Variants in RBFOX1 observed in about 807,000 individuals in gnomAD.
RBFOX1 encodes RNA binding fox-1 homolog 1, also known as RNA binding protein fox-1 homolog 1.
RBFOX1 carries 8 observed loss-of-function variants against 57.7 expected under a neutral mutation model. The observed-to-expected ratio is 0.14, with a 90% CI of 0.08 to 0.25. RBFOX1 has a LOEUF of 0.25. RBFOX1 is among the 10% of genes least tolerant of loss of function. The pLI is 1.00. For synonymous variants in RBFOX1, 326 were observed against 222.4 expected (o/e 1.47, Z -4.15); for missense variants, 611 against 548.5 (o/e 1.11, Z -1.14).
chr16:5,589,653 C>T (rs945780874), intron 2 of RBFOX1, among the ~76,000 whole-genome samples: 7 of 152,158 alleles, frequency 4.6e-5, no homozygotes, highest in Non-Finnish European at 1.0e-4. Flanking sequence ...GGATGTGTAA[C>T]CTTTGGCAAA....
At chr16:6,837,086 A>T (rs1437149547) in intron 3 of RBFOX1, among the ~76,000 whole-genome samples, 1 of 152,206 alleles carries the variant, frequency 6.6e-6, no homozygotes, top group East Asian at 1.9e-4. Context: ...TATATTGGTT[A>T]ACAATAGCCA....
intron 2 of RBFOX1, among the ~76,000 whole-genome samples, chr16:6,456,844 C>T (rs556297779): frequency 6.6e-6 from 1 of 152,196 alleles, no homozygotes; most frequent in African/African-American, 2.4e-5. Context: ...CATTCTGGTA[C>T]CTTCTAGTTG....
chr16:7,017,217 G>C (rs976846552), intron 3 of RBFOX1, among the ~76,000 whole-genome samples: 8 of 152,196 alleles, frequency 5.3e-5, no homozygotes, highest in Admixed American at 2.6e-4. Context: ...TCCCTTCAGG[G>C]AATGGGAGCT....
At chr16:6,021,064 A>G (rs897437092) in intron 1 of RBFOX1, among the ~76,000 whole-genome samples, 1 of 152,246 alleles carries the variant, frequency 6.6e-6, no homozygotes, top group African/African-American at 2.4e-5. Flanking sequence ...AATCCTGGTC[A>G]GGCAGTCCGG....
chr16:6,344,757 C>G (rs2085108013), intron 2 of RBFOX1, among the ~76,000 whole-genome samples: 1 of 127,150 alleles, frequency 7.9e-6, no homozygotes, highest in Admixed American at 1.0e-4. Flanking sequence ...GTGATATGAT[C>G]TCGGCTTACT....
intron 3 of RBFOX1, among the ~76,000 whole-genome samples, chr16:6,885,260 T>G (rs1009951838): frequency 6.6e-6 from 1 of 152,156 alleles, no homozygotes; most frequent in Admixed American, 6.5e-5. Context: ...AGCGTCAGCA[T>G]CACCTGGAAA....
chr16:6,972,277 C>G (rs1026204758), intron 3 of RBFOX1, among the ~76,000 whole-genome samples: 5 of 152,080 alleles, frequency 3.3e-5, no homozygotes, highest in African/African-American at 1.2e-4. Context: ...CCCCTGGTAA[C>G]TGTCATTCTA....
intron 4 of RBFOX1, among the ~76,000 whole-genome samples, chr16:7,359,593 A>AG (rs756329407): frequency 1.2e-4 from 19 of 152,174 alleles, no homozygotes; most frequent in Non-Finnish European, 2.2e-4. Flanking sequence ...GGGGCTCTTG[A>AG]GTTAAACCAC....
At position 6,742,389 on chromosome 16, in the gene RBFOX1, C is replaced by T. The variant is rs546237379; in HGVS notation, c.-16+87739C>T. Among the ~76,000 whole-genome samples the T allele has an allele frequency of 1.1e-3, 163 of 152,192 alleles. 1 individual carries two copies. The highest frequency in any genetic ancestry group is 2.0e-3 in the Non-Finnish European group (133 of 67,986). ...CTCTCATATACTGATGATGGCAATG[C>T]AAAATGACACAACTCTTCTGGCAAA... On this transcript the variant is annotated intron_variant, in intron 3 of 15. Coordinates refer to ENST00000550418, the MANE Select transcript of RBFOX1 (RefSeq NM_018723.4).
At chr16:6,001,487 A>G (rs76102191) in intron 4 of RBFOX1, among the ~76,000 whole-genome samples, 2,142 of 152,314 alleles carry the variant, frequency 0.014, 60 homozygotes, top group African/African-American at 0.049. Flanking sequence ...CTGGAGCAGC[A>G]GAATTGGGAG....
chr16:5,603,840 C>T (rs1378568753), downstream of RBFOX1, among the ~76,000 whole-genome samples: 2 of 152,208 alleles, frequency 1.3e-5, no homozygotes, highest in African/African-American at 4.8e-5. Flanking sequence ...CACTCTGGAG[C>T]AAATGCATCC....
intron 4 of RBFOX1, among the ~76,000 whole-genome samples, chr16:7,056,261 G>A (rs370717520): frequency 1.3e-5 from 2 of 152,048 alleles, no homozygotes; most frequent in East Asian, 1.9e-4. Flanking sequence ...TACTTACATC[G>A]CTCGGTTGTT....
At chr16:7,701,216 C>G (rs1039028027) in intron 14 of RBFOX1, among the ~76,000 whole-genome samples, 1 of 152,158 alleles carries the variant, frequency 6.6e-6, no homozygotes, top group Admixed American at 6.5e-5. Flanking sequence ...TCTTCCACTT[C>G]TAGTTTTATC....
At chr16:6,500,474 G>C (rs1329267128) in intron 2 of RBFOX1, among the ~76,000 whole-genome samples, 1 of 152,028 alleles carries the variant, frequency 6.6e-6, no homozygotes, top group African/African-American at 2.4e-5. Flanking sequence ...CCTAGTACTT[G>C]GCCAAGGGTG....
chr16:6,482,160 G>T (rs1463131763), intron 2 of RBFOX1, among the ~76,000 whole-genome samples: 1 of 152,178 alleles, frequency 6.6e-6, no homozygotes, highest in African/African-American at 2.4e-5. Flanking sequence ...ATCCAAGAAG[G>T]ACACAGGCAG....
At chr16:6,941,301 T>TC (rs1400752042) in intron 3 of RBFOX1, among the ~76,000 whole-genome samples, 66 of 20,506 alleles carry the variant, frequency 3.2e-3, no homozygotes, top group African/African-American at 5.6e-3. Flanking sequence ...CCTCCCTCCC[T>TC]CCTTCCTTCC....
At chr16:7,038,254 T>G (rs746814541) in intron 3 of RBFOX1, among the ~76,000 whole-genome samples, 1 of 152,086 alleles carries the variant, frequency 6.6e-6, no homozygotes, top group Non-Finnish European at 1.5e-5. Flanking sequence ...GACATTTTGG[T>G]GAGTATTGCT....
chr16:5,829,574 C>T (rs1421572603), intron 3 of RBFOX1, among the ~76,000 whole-genome samples: 1 of 152,100 alleles, frequency 6.6e-6, no homozygotes, highest in African/African-American at 2.4e-5. Context: ...CTTCTACCTC[C>T]TCCAACATCC....
chr16:7,078,918 C>T (rs552674896), intron 4 of RBFOX1, among the ~76,000 whole-genome samples: 10 of 113,146 alleles, frequency 8.8e-5, no homozygotes, highest in Admixed American at 2.5e-4. Flanking sequence ...CCATGTTGTC[C>T]AGGCTGGTCT....
Sources: allele counts gnomAD v4.1 joint callset (sites outside exome capture counted in the v4.1 genomes callset), GRCh38; gene constraint gnomAD v4.1.1; transcripts MANE v1.5; gene names NCBI Gene and HGNC (gene_info 2026-07-23, HGNC 2026-07-21).